ABCA13: variants seen among roughly 807,000 people sequenced by gnomAD.
ABCA13 encodes ATP-binding cassette sub-family A member 13.
ABCA13 carries 476 observed loss-of-function variants against 478.7 expected under a neutral mutation model. The ratio of observed to expected loss-of-function variants is 0.99; its 90% CI spans 0.92 to 1.07. The LOEUF (loss-of-function observed/expected upper bound fraction) is 1.07, where lower values mean the gene tolerates loss of function less well. Among genes scored for constraint, ABCA13 ranks in the 50% least tolerant of loss-of-function variants. The pLI is 0.00. For synonymous variants in ABCA13, 2,252 were observed against 2,158.9 expected (o/e 1.04, Z -1.20); for missense variants, 6,060 against 5,910.6 (o/e 1.03, Z -0.83).
chr7:48,306,337 A>C (rs1201711404), intron 23 of ABCA13, among the ~76,000 whole-genome samples: 1 of 152,266 alleles, frequency 6.6e-6, no homozygotes, highest in African/African-American at 2.4e-5. Context: ...GTGACATGCT[A>C]GAAAGTAATT....
chr7:48,228,237 C>A (rs1294315174), intron 6 of ABCA13, among the ~76,000 whole-genome samples: 1 of 152,186 alleles, frequency 6.6e-6, no homozygotes, highest in Admixed American at 6.5e-5. Flanking sequence ...GGGGAGGTCC[C>A]CGTTCTGGCT....
intron 42 of ABCA13, among the ~76,000 whole-genome samples, chr7:48,432,473 T>G (rs1822277424): frequency 6.6e-6 from 1 of 152,152 alleles, no homozygotes; most frequent in East Asian, 1.9e-4. Flanking sequence ...TTACTTGGTA[T>G]ATATCCAAGG....
chr7:48,334,534 A>G (rs894294769), intron 27 of ABCA13, among the ~76,000 whole-genome samples: 1 of 152,078 alleles, frequency 6.6e-6, no homozygotes, highest in African/African-American at 2.4e-5. Context: ...ATGGGGTTTC[A>G]TTGTGTTAGC....
At chr7:48,358,148 A>C (rs2128997742) in intron 31 of ABCA13, among the ~76,000 whole-genome samples, 1 of 146,394 alleles carries the variant, frequency 6.8e-6, no homozygotes, top group East Asian at 2.0e-4. Flanking sequence ...TCTCAAAGAA[A>C]AGAAAAGAAA....
chr7:48,269,720 C>T (rs950067972), intron 16 of ABCA13, among the ~76,000 whole-genome samples: 1 of 152,206 alleles, frequency 6.6e-6, no homozygotes, highest in African/African-American at 2.4e-5. Context: ...AAAATGTCTG[C>T]ACCTTGCCCC....
At chr7:48,585,245 C>T (rs910687475) in intron 56 of ABCA13, among the ~76,000 whole-genome samples, 1 of 151,948 alleles carries the variant, frequency 6.6e-6, no homozygotes, top group African/African-American at 2.4e-5. Flanking sequence ...AATTTTTATT[C>T]AACTTGTGAT....
intron 55 of ABCA13, among the ~76,000 whole-genome samples, chr7:48,558,967 C>A (rs1232532439): frequency 1.3e-5 from 2 of 152,174 alleles, no homozygotes; most frequent in Non-Finnish European, 2.9e-5. Context: ...AGCCTTTTTG[C>A]TTTCTTCTTT....
Position 48,416,451 on chromosome 7 carries a change from G to A in ABCA13, c.12459+3868G>A, listed in dbSNP as rs115717604. Among the ~76,000 whole-genome samples, 711 of 152,214 alleles carry A rather than the reference G, an allele frequency of 4.7e-3. 8 individuals carry two copies. The highest frequency in any genetic ancestry group is 0.016 in the African/African-American group (657 of 41,528). On this transcript the variant is annotated intron_variant, in intron 41 of 61. Transcript: ENST00000435803. Reference sequence around the variant, plus strand: ...GTTTGCATTCTTGACCATGCATGGTGCTCCCTCACTGCACTCACTGCAGAA... The same window carrying A: ...GTTTGCATTCTTGACCATGCATGGTACTCCCTCACTGCACTCACTGCAGAA...
At chr7:48,570,795 T>A (rs1787569708) in intron 55 of ABCA13, among the ~76,000 whole-genome samples, 1 of 152,188 alleles carries the variant, frequency 6.6e-6, no homozygotes, top group Admixed American at 6.5e-5. Context: ...ATGAGCTAAA[T>A]AATCTAATTA....
intron 41 of ABCA13, among the ~76,000 whole-genome samples, chr7:48,422,283 G>C (rs10253764): frequency 6.6e-6 from 1 of 151,696 alleles, no homozygotes; most frequent in East Asian, 1.9e-4. Context: ...TCTTAACTTA[G>C]AACAGTCTCA....
At chr7:48,281,715 C>T (rs1480895408) in intron 19 of ABCA13, among the ~76,000 whole-genome samples, 1 of 152,122 alleles carries the variant, frequency 6.6e-6, no homozygotes, top group Non-Finnish European at 1.5e-5. Flanking sequence ...AATGTGCTTC[C>T]CTTGTCTTCT....
At chr7:48,389,964 A>G (rs1815787777) in intron 37 of ABCA13, among the ~76,000 whole-genome samples, 1 of 152,246 alleles carries the variant, frequency 6.6e-6, no homozygotes, top group Non-Finnish European at 1.5e-5. Context: ...TAGAAAAATA[A>G]CACATGAAAC....
At chr7:48,326,909 C>G (rs548115261) in intron 27 of ABCA13, among the ~76,000 whole-genome samples, 2 of 152,272 alleles carry the variant, frequency 1.3e-5, no homozygotes, top group East Asian at 3.9e-4. Context: ...GAGATCAGCT[C>G]TCAGTCTCAT....
chr7:48,548,008 T>C (rs1563421669), intron 55 of ABCA13, among the ~76,000 whole-genome samples: 1 of 151,900 alleles, frequency 6.6e-6, no homozygotes, highest in Non-Finnish European at 1.5e-5. Context: ...ACACTACCTG[T>C]GGTGTGGCTT....
At chr7:48,208,190 T>C (rs1785171246) in intron 3 of ABCA13, among the ~76,000 whole-genome samples, 1 of 152,210 alleles carries the variant, frequency 6.6e-6, no homozygotes. Context: ...ACTTGGTTAC[T>C]AAAGCTTTGT....
At chr7:48,553,995 C>T (rs67298249) in intron 55 of ABCA13, among the ~76,000 whole-genome samples, 21,084 of 151,752 alleles carry the variant, frequency 0.14, 1,842 homozygotes, top group African/African-American at 0.23. Flanking sequence ...TTTGGTTTTA[C>T]CTTTTTATAT....
chr7:48,556,517 T>C (rs759685892), intron 55 of ABCA13, among the ~76,000 whole-genome samples: 21 of 152,020 alleles, frequency 1.4e-4, no homozygotes, highest in Admixed American at 7.9e-4. Flanking sequence ...ACAATTGTTT[T>C]ACCTTCTTGC....
chr7:48,600,349 G>GT (rs796436799), intron 58 of ABCA13, among the ~76,000 whole-genome samples: 6,450 of 144,532 alleles, frequency 0.045, 434 homozygotes, highest in African/African-American at 0.15. Context: ...GTTGGATATT[G>GT]TTTTTTTTTT....
intron 43 of ABCA13, among the ~76,000 whole-genome samples, chr7:48,464,120 A>G (rs1481613333): frequency 6.6e-6 from 1 of 152,214 alleles, no homozygotes; most frequent in Non-Finnish European, 1.5e-5. Flanking sequence ...AGTAATTTTC[A>G]ATTTCTAGAG....
Sources: gnomAD v4.1 joint callset for allele counts (sites outside exome capture counted in the v4.1 genomes callset) on GRCh38, gnomAD v4.1.1 for gene constraint, MANE v1.5 for transcripts, NCBI Gene and HGNC (gene_info 2026-07-23, HGNC 2026-07-21) for gene names.